Variants in FAT3 observed in about 807,000 individuals in gnomAD.
FAT3 encodes the protein protocadherin Fat 3.
Under a neutral mutation model 310.2 loss-of-function variants are expected in FAT3, and 95 were observed. The observed-to-expected ratio is 0.31, with a 90% CI of 0.26 to 0.36. FAT3 has a LOEUF of 0.36. Ranked by LOEUF, FAT3 falls within the 10% of genes least tolerant of loss-of-function variation. FAT3 has a pLI of 1.00. For synonymous variants in FAT3, 2,314 were observed against 2,192.9 expected (o/e 1.06, Z -1.54); for missense variants, 5,408 against 5,715.6 (o/e 0.95, Z 1.74).
chr11:92,363,980 C>CT (rs1948948955), intron 2 of FAT3, among the ~76,000 whole-genome samples: 1 of 151,936 alleles, frequency 6.6e-6, no homozygotes, highest in African/African-American at 2.4e-5. Context: ...TCTTCTTGAC[C>CT]TTTTTTTAAC....
At chr11:92,384,105 G>A (rs1949564868) in intron 2 of FAT3, among the ~76,000 whole-genome samples, 1 of 152,160 alleles carries the variant, frequency 6.6e-6, no homozygotes, top group African/African-American at 2.4e-5. Flanking sequence ...AGTGTGGTAA[G>A]TCATTAATAC....
chr11:92,800,991 A>T lies in FAT3; in HGVS notation c.7978A>T (p.Met2660Leu). 1 of 1,613,458 alleles carries T rather than the reference A, an allele frequency of 6.2e-7. No individual in the cohort carries two copies. The highest frequency in any genetic ancestry group is 8.5e-7 in the Non-Finnish European group (1 of 1,179,726). The change falls in exon 10 of 28, where the codon ATG becomes TTG. Residue 2660 changes from methionine (M) to leucine (L), a missense_variant. This residue lies in a region of FAT3 where 4,588 missense variants were observed against 4,809.8 expected (regional missense o/e 0.95). Transcript: ENST00000525166. ...GGAAATCGATCCTGACAATGGCTGG[A>T]TGGTCACAAAGGGTAATTTTAACCA... is the stretch of plus-strand genomic sequence containing the variant. ...LLEIDPDNGW[M>L]VTKGNFNQLK...
intron 3 of FAT3, among the ~76,000 whole-genome samples, chr11:92,641,192 C>G (rs1216567570): frequency 6.6e-6 from 1 of 152,142 alleles, no homozygotes; most frequent in Non-Finnish European, 1.5e-5. Context: ...GAGACCCTGT[C>G]CCCTACCACA....
chr11:92,747,858 A>G (rs1226920505), intron 4 of FAT3, among the ~76,000 whole-genome samples: 1 of 152,144 alleles, frequency 6.6e-6, no homozygotes, highest in African/African-American at 2.4e-5. Context: ...CTCAGCCTGG[A>G]CTTTATTGTC....
At position 92,651,976 on chromosome 11, in the gene FAT3, C is replaced by T. The variant is rs1942395708; in HGVS notation, c.3608-45408C>T. ...TATTCATTTCCATTGTCCATCTTTT[C>T]CTCTGGGTGTAAACACTTTGAAGGT... On this transcript the variant is annotated intron_variant, in intron 3 of 27. Coordinates refer to ENST00000525166, the MANE Select transcript of FAT3 (RefSeq NM_001367949.2). Among the ~76,000 whole-genome samples the T allele has an allele frequency of 4.6e-5, 7 of 152,260 alleles. No homozygotes were observed. The South Asian group carries it at 1.5e-3, about 32-fold the overall frequency.
intron 21 of FAT3, among the ~76,000 whole-genome samples, chr11:92,861,156 A>G (rs1437155369): frequency 1.3e-5 from 2 of 152,194 alleles, no homozygotes; most frequent in African/African-American, 2.4e-5. Context: ...GAGGTTTTGT[A>G]TAATTGCTGG....
chr11:92,880,639 A>C (rs1190792182), intron 22 of FAT3, 92 bp from the exon 23 acceptor site: 5 of 1,424,290 alleles, frequency 3.5e-6, no homozygotes, highest in Non-Finnish European at 4.7e-6. Flanking sequence ...TATACGGTTC[A>C]ACAAAGAATT....
intron 8 of FAT3, among the ~76,000 whole-genome samples, chr11:92,792,482 G>C (rs969130346): frequency 2.0e-5 from 3 of 152,076 alleles, no homozygotes; most frequent in African/African-American, 7.2e-5. Context: ...GCACAGTGCT[G>C]TGTTTGTGAT....
intron 2 of FAT3, among the ~76,000 whole-genome samples, chr11:92,388,959 C>A (rs929612620): frequency 6.6e-6 from 1 of 152,104 alleles, no homozygotes; most frequent in Non-Finnish European, 1.5e-5. Flanking sequence ...GCTTGGCTTT[C>A]TATGGCAGTT....
chr11:92,797,556 C>T (rs1224663529), intron 9 of FAT3, among the ~76,000 whole-genome samples: 1 of 152,176 alleles, frequency 6.6e-6, no homozygotes, highest in East Asian at 1.9e-4. Flanking sequence ...TATTTCCCAA[C>T]TTGAATGCAC....
Position 92,799,507 on chromosome 11 carries a change from A to G in FAT3, c.6494A>G (p.Lys2165Arg). The G allele has an allele frequency of 6.2e-7, 1 of 1,613,712 alleles. No homozygotes were observed. Among genetic ancestry groups the G allele is most frequent in the Non-Finnish European group, 8.5e-7 (1 of 1,179,806 alleles). The change falls in exon 10 of 28, where the codon AAA becomes AGA. Residue 2165 changes from lysine (K) to arginine (R), a missense_variant. Physicochemically the swap from Lys to Arg is conservative, Grantham distance 26 (BLOSUM62 2). This residue lies in a region of FAT3 where 4,588 missense variants were observed against 4,809.8 expected (regional missense o/e 0.95). Coordinates refer to ENST00000525166, the MANE Select transcript of FAT3 (RefSeq NM_001367949.2). ...GVTILAKDGGKPSLSTSVELP... is the reference protein window; with the variant it reads ...GVTILAKDGGRPSLSTSVELP... Reference sequence around the variant, plus strand: ...ACCATCCTAGCCAAGGATGGCGGAAAACCTTCTTTGTCTACATCTGTGGAG... The same window carrying G: ...ACCATCCTAGCCAAGGATGGCGGAAGACCTTCTTTGTCTACATCTGTGGAG...
intron 1 of FAT3, among the ~76,000 whole-genome samples, chr11:92,227,742 CT>C (rs1863981071): frequency 7.9e-6 from 1 of 127,266 alleles, no homozygotes; most frequent in Non-Finnish European, 1.6e-5. Context: ...TGCTTTTTTT[CT>C]TTCTTCTTCT....
chr11:92,799,935 C>G lies in FAT3; in HGVS notation c.6922C>G (p.Gln2308Glu). The G allele has an allele frequency of 1.2e-6, 2 of 1,612,642 alleles. No homozygotes were observed. The highest frequency in any genetic ancestry group is 1.7e-6 in the Non-Finnish European group (2 of 1,179,240). Residue 2308 changes from glutamine (Q) to glutamate (E), a missense_variant, in exon 10 of 28, where the codon CAA becomes GAA. Transcript: ENST00000525166. ...EASLIGTPVL[Q>E]VVSIDADSEN... ...ATCTCTTATTGGGACACCTGTTTTA[C>G]AAGTTGTCTCTATTGATGCAGACTC... is the stretch of plus-strand genomic sequence containing the variant.
intron 2 of FAT3, among the ~76,000 whole-genome samples, chr11:92,444,910 A>G (rs1331551059): frequency 6.6e-6 from 1 of 152,206 alleles, no homozygotes; most frequent in African/African-American, 2.4e-5. Flanking sequence ...ATGGCACACA[A>G]TAAATTCCAA....
At chr11:92,303,242 T>A (rs1049488693) in intron 1 of FAT3, among the ~76,000 whole-genome samples, 1 of 152,124 alleles carries the variant, frequency 6.6e-6, no homozygotes, top group African/African-American at 2.4e-5. Flanking sequence ...AAGGAATTTA[T>A]TTTTAAATTT....
intron 3 of FAT3, among the ~76,000 whole-genome samples, chr11:92,554,744 C>G (rs942634208): frequency 7.9e-5 from 12 of 152,134 alleles, no homozygotes; most frequent in African/African-American, 2.9e-4. Flanking sequence ...TGGTTACAGG[C>G]AAAGTCTCCT....
chr11:92,848,624 A>T (rs1016899155), intron 19 of FAT3, among the ~76,000 whole-genome samples: 3 of 152,244 alleles, frequency 2.0e-5, no homozygotes, highest in Admixed American at 6.5e-5. Context: ...CAGTGTGTTT[A>T]TGGGTGTGGT....
intron 3 of FAT3, among the ~76,000 whole-genome samples, chr11:92,681,695 G>A (rs1179852550): frequency 6.6e-6 from 1 of 152,188 alleles, no homozygotes; most frequent in Non-Finnish European, 1.5e-5. Context: ...AGAGAAGCAT[G>A]GCATTTGAAT....
intron 3 of FAT3, among the ~76,000 whole-genome samples, chr11:92,682,396 T>G (rs1565509721): frequency 6.6e-6 from 1 of 152,244 alleles, no homozygotes; most frequent in East Asian, 1.9e-4. Context: ...CATAAAGCAG[T>G]TCTGAGTGTT....
Sources: allele counts gnomAD v4.1 joint callset (sites outside exome capture counted in the v4.1 genomes callset), GRCh38; gene constraint gnomAD v4.1.1; regional missense constraint gnomAD v4.1.1; transcripts MANE v1.5; gene names NCBI Gene and HGNC (gene_info 2026-07-23, HGNC 2026-07-21).